Variants in ZNF780A observed in about 807,000 individuals in gnomAD.
The protein encoded by ZNF780A is zinc finger protein 780A.
Under a neutral mutation model 56.7 loss-of-function variants are expected in ZNF780A, and 40 were observed. That is an observed-to-expected ratio of 0.71 (90% CI 0.55 to 0.92). The LOEUF is 0.92. Among genes scored for constraint, ZNF780A ranks in the 40% least tolerant of loss-of-function variants. The pLI, the probability that ZNF780A is intolerant of heterozygous loss-of-function variation, is 0.00. For synonymous variants in ZNF780A, 231 were observed against 248.3 expected (o/e 0.93, Z 0.66); for missense variants, 672 against 783.3 (o/e 0.86, Z 1.70).
chr19:40,074,062 A>G lies in ZNF780A; in HGVS notation c.*454T>C. ...ATTCTTTGATGTGCAGTCAGGACCA[A>G]ACTAAATCTGAAAGTTTTCCCACAC... On this transcript the variant is annotated 3_prime_UTR_variant, in exon 6 of 6. Coordinates refer to ENST00000683561, the MANE Select transcript of ZNF780A (RefSeq NM_001142578.2). 1 of 1,254,196 alleles carries G rather than the reference A, an allele frequency of 8.0e-7. No individual in the cohort carries two copies. Among genetic ancestry groups the G allele is most frequent in the Non-Finnish European group, 1.0e-6 (1 of 979,402 alleles). 77.7% of individuals were successfully genotyped at this position (1,254,196 alleles called of 1,614,324 possible).
At chr19:40,072,173 G>T, downstream of ZNF780A, 1 of 241,460 alleles carries the variant, frequency 4.1e-6, no homozygotes, top group Non-Finnish European at 8.2e-6. Flanking sequence ...CGGCCTGCTA[G>T]CCCATGCTCC....
chr19:40,070,815 G>A (rs1038388586), downstream of ZNF780A: 1 of 152,100 alleles, frequency 6.6e-6, no homozygotes, highest in Non-Finnish European at 1.5e-5. Flanking sequence ...GGCCTCCTGG[G>A]ATCTCTTTTT....
At chr19:40,080,834 G>A (rs1974433194) in intron 5 of ZNF780A, among the ~76,000 whole-genome samples, 1 of 151,802 alleles carries the variant, frequency 6.6e-6, no homozygotes, top group South Asian at 2.1e-4. Context: ...AATAAAAGTT[G>A]GAAAATAAAT....
At chr19:40,087,234 T>C (rs1772703200) in intron 2 of ZNF780A, among the ~76,000 whole-genome samples, 1 of 152,184 alleles carries the variant, frequency 6.6e-6, no homozygotes, top group South Asian at 2.1e-4. Flanking sequence ...GATTCTGGAC[T>C]ACAGTTTTTC....
downstream of ZNF780A, chr19:40,069,252 A>G: frequency 6.4e-6 from 1 of 156,954 alleles, no homozygotes. Context: ...GCTTCCACTC[A>G]TGGCAGATGA....
In ZNF780A at chr19:40,075,081, A is replaced by C; in HGVS notation, c.1361T>G (p.Phe454Cys). The part of the protein sequence containing the change: ...PFVCRECEMA[F>C]RYHCQLIEHS... ...TTCAATAAGTTGGCAATGATATCTA[A>C]AGGCCATCTCACATTCCCTACATAC... Residue 454 changes from phenylalanine to cysteine, a missense_variant, in exon 6 of 6, where the codon TTT becomes TGT. By Grantham distance (205) the Phe-to-Cys change is radical (BLOSUM62 -2). Transcript: ENST00000683561. 6.2e-7 allele frequency: 1 copy of C among 1,614,174 alleles called. No individual in the cohort carries two copies. The highest frequency in any genetic ancestry group is 8.5e-7 in the Non-Finnish European group (1 of 1,180,028).
chr19:40,083,786 T>C (rs576589436), intron 3 of ZNF780A, among the ~76,000 whole-genome samples: 3 of 152,314 alleles, frequency 2.0e-5, no homozygotes, highest in Non-Finnish European at 2.9e-5. Flanking sequence ...CTGATTTTTA[T>C]AAGCTGCATT....
Position 40,075,016 on chromosome 19 carries a change from G to T in ZNF780A, c.1426C>A (p.Gln476Lys), listed in dbSNP as rs756071567. 14 of 1,613,312 alleles carry T rather than the reference G, an allele frequency of 8.7e-6. No individual in the cohort carries two copies. The highest frequency in any genetic ancestry group is 1.3e-5 in the African/African-American group (1 of 74,734). ...IHTGDKPFEC[Q>K]DCGKAFNRGS... ...CGATTGAAGGCCTTCCCACAGTCTT[G>T]ACATTCAAATGGCTTGTCACCAGTA... is the stretch of plus-strand genomic sequence containing the variant. Residue 476 changes from glutamine (Q) to lysine (K), a missense_variant, in exon 6 of 6, where the codon CAA (glutamine) becomes AAA (lysine). Transcript: ENST00000683561.
Position 40,081,838 on chromosome 19 carries a change from T to C in ZNF780A, c.213A>G (p.Glu71=), listed in dbSNP as rs745568435. The C allele has an allele frequency of 6.2e-7, 1 of 1,612,996 alleles. No homozygotes were observed. The highest frequency in any genetic ancestry group is 1.1e-5 in the South Asian group (1 of 91,070). ...ACTTACCTGGATACCGTCTGCTTGT[T>C]TCTTTCCTTACAACCATCCAGGGCT... ...EKEPWMVVRK[E]TSRRYPDLEL... Residue 71 remains glutamate, a synonymous_variant, in exon 5 of 6, where the codon GAA becomes GAG. Transcript: ENST00000683561.
chr19:40,088,172 G>T (rs1038804532), intron 2 of ZNF780A, among the ~76,000 whole-genome samples: 3 of 152,114 alleles, frequency 2.0e-5, no homozygotes, highest in Admixed American at 6.5e-5. Context: ...ATGAAATTAT[G>T]TCAAGCTAAA....
rs1376918411 is a variant in ZNF780A at position 40,076,350 on chromosome 19, G to T, written c.233-141C>A. On this transcript the variant is annotated intron_variant, in intron 5 of 5. Transcript: ENST00000683561. ...TTAGCCAAAACCAACAAAGTTGGTA[G>T]ATAGAACCTTTCTCATATCACTTCT... is the stretch of plus-strand genomic sequence containing the variant. The T allele has an allele frequency of 6.1e-6, 5 of 819,304 alleles. No individual in the cohort carries two copies. In the African/African-American group the frequency reaches 7.0e-5, roughly 11 times the overall value. 50.8% of individuals were successfully genotyped at this position (819,304 alleles called of 1,614,324 possible). A position where few individuals can be genotyped will look rare whatever the true frequency, so the allele number is the denominator to read the frequency against.
At chr19:40,080,562 A>T (rs1030272357) in intron 5 of ZNF780A, among the ~76,000 whole-genome samples, 1 of 152,216 alleles carries the variant, frequency 6.6e-6, no homozygotes, top group Non-Finnish European at 1.5e-5. Flanking sequence ...TCCTAAGCAA[A>T]TTAATTAAGG....
intron 2 of ZNF780A, among the ~76,000 whole-genome samples, chr19:40,085,548 C>T (rs1974746456): frequency 6.6e-6 from 1 of 151,996 alleles, no homozygotes; most frequent in African/African-American, 2.4e-5. Context: ...TAAGAGTTCT[C>T]CTCTGTGTAT....
intron 3 of ZNF780A, among the ~76,000 whole-genome samples, chr19:40,083,812 C>T (rs1002866355): frequency 2.6e-5 from 4 of 152,036 alleles, no homozygotes; most frequent in Non-Finnish European, 5.9e-5. Flanking sequence ...CAATAGAACT[C>T]ACATATTAGA....
At chr19:40,088,943 A>T (rs527951230) in intron 2 of ZNF780A, among the ~76,000 whole-genome samples, 131 of 152,328 alleles carry the variant, frequency 8.6e-4, no homozygotes, top group African/African-American at 3.0e-3. Flanking sequence ...CTTCAGCCAA[A>T]TCTAAAAAAG....
Position 40,075,124 on chromosome 19 carries a change from A to G in ZNF780A, c.1318T>C (p.Ser440Pro). Residue 440 changes from serine to proline, a missense_variant, in exon 6 of 6, where the codon TCC becomes CCC. Coordinates refer to ENST00000683561, the MANE Select transcript of ZNF780A (RefSeq NM_001142578.2). The part of the protein sequence containing the change: ...AHLIQHQKIH[S>P]NEKPFVCREC... The stretch of plus-strand genomic sequence containing the variant: ...CTACATACAAAAGGTTTCTCATTGG[A>G]ATGAATTTTCTGATGCTGAATAAGG... 1 of 1,613,550 alleles carries G rather than the reference A, an allele frequency of 6.2e-7. No homozygotes were observed. The highest frequency in any genetic ancestry group is 8.5e-7 in the Non-Finnish European group (1 of 1,179,854).
chr19:40,075,657 G>C lies in ZNF780A; in HGVS notation c.785C>G (p.Ser262Ter), dbSNP rs1422989413. Reference sequence around the variant, plus strand: ...AATACTCTGATGTTGAACAAGGTTTGAGCTACGATTAAAGGACTTCCCACA... The same window carrying C: ...AATACTCTGATGTTGAACAAGGTTTCAGCTACGATTAAAGGACTTCCCACA... ...KECGKSFNRS[S>*]NLVQHQSIHS... Residue 262 changes from serine to a stop codon, truncating the protein, a stop_gained, in exon 6 of 6, where the codon TCA becomes TGA. Coordinates refer to ENST00000683561, the MANE Select transcript of ZNF780A (RefSeq NM_001142578.2). LOFTEE classifies it high-confidence loss of function. 6.2e-7 allele frequency: 1 copy of C among 1,613,236 alleles called. No homozygotes were observed. The highest frequency in any genetic ancestry group is 1.1e-5 in the South Asian group (1 of 91,032).
chr19:40,073,315 A>T lies in ZNF780A; in HGVS notation c.*1201T>A, dbSNP rs1305573720. ...ATCCCAAAGCAATTACAATAGCAAC[A>T]TCAAAAATCACTGGTCATTGATCAC... On this transcript the variant is annotated 3_prime_UTR_variant, in exon 6 of 6. Transcript: ENST00000683561. The T allele has an allele frequency of 3.9e-6, 1 of 253,390 alleles. No individual in the cohort carries two copies. Among genetic ancestry groups the T allele is most frequent in the East Asian group, 1.5e-4 (1 of 6,664 alleles). The allele number at this position is 253,390 out of a possible 1,614,324, so 15.7% of individuals were successfully genotyped here.
At chr19:40,077,808 T>C (rs771640321) in intron 5 of ZNF780A, among the ~76,000 whole-genome samples, 6 of 148,290 alleles carry the variant, frequency 4.0e-5, no homozygotes, top group Non-Finnish European at 7.4e-5. Flanking sequence ...CTATTAACCA[T>C]AGGTACATCT....
Sources: allele counts gnomAD v4.1 joint callset (sites outside exome capture counted in the v4.1 genomes callset), GRCh38; gene constraint gnomAD v4.1.1; transcripts MANE v1.5; gene names NCBI Gene and HGNC (gene_info 2026-07-23, HGNC 2026-07-21).